The following SMUG1 variants were observed in gnomAD, a reference collection of about 807,000 sequenced individuals.
The protein encoded by SMUG1 is single-strand-selective monofunctional uracil-DNA glycosylase 1.
Under a neutral mutation model 23.9 loss-of-function variants are expected in SMUG1, and 13 were observed. That is an observed-to-expected ratio of 0.54 (90% CI 0.35 to 0.86). The LOEUF is 0.86. Among genes scored for constraint, SMUG1 ranks in the 40% least tolerant of loss-of-function variants. The pLI is 0.01. For missense variants in SMUG1, 313 were observed against 339.5 expected (o/e 0.92, Z 0.61); for synonymous variants, 133 against 139.8 (o/e 0.95, Z 0.34).
rs1205322366 is a variant in SMUG1, at chr12:54,159,415, C to T, written n.687+5959G>A. ...CTGGTCTGCAGCAGGAGAGTCAGGG[C>T]TGTCGGGGACAACCTGAGAATGACC... is the stretch of plus-strand genomic sequence containing the variant. On this transcript the variant is annotated intron_variant and non_coding_transcript_variant, in intron 4 of 5. Coordinates refer to the SMUG1 transcript ENST00000634429. 6.6e-5 allele frequency among the ~76,000 whole-genome samples: 10 copies of T among 152,110 alleles called. No homozygotes were observed. In the East Asian group the frequency reaches 1.5e-3, roughly 23 times the overall value.
chr12:54,182,678 GC>G, intron 3 of SMUG1, 55 bp from the exon 4 acceptor site: 1 of 1,548,710 alleles, frequency 6.5e-7, no homozygotes, highest in South Asian at 1.3e-5. Flanking sequence ...TGAGGCCCGG[GC>G]TCTGGACCAA....
chr12:54,179,699 G>A (rs1434871455), downstream of SMUG1, among the ~76,000 whole-genome samples: 1 of 151,926 alleles, frequency 6.6e-6, no homozygotes, highest in Non-Finnish European at 1.5e-5. Flanking sequence ...AGGATCCCCA[G>A]ACCACCTGCA....
intron 3 of SMUG1, among the ~76,000 whole-genome samples, chr12:54,166,597 G>GCTCCTGGCTT (rs1280325387): frequency 6.6e-6 from 1 of 152,166 alleles, no homozygotes; most frequent in Non-Finnish European, 1.5e-5. Flanking sequence ...TGTGAGGGCT[G>GCTCCTGGCTT]CTCCTGGCTT....
intron 3 of SMUG1, among the ~76,000 whole-genome samples, chr12:54,170,223 A>G: frequency 6.6e-6 from 1 of 152,126 alleles, no homozygotes; most frequent in Non-Finnish European, 1.5e-5. Flanking sequence ...AAAGACAAAA[A>G]GAGAAGCTCA....
chr12:54,170,217 A>G (rs1407089742), intron 3 of SMUG1, among the ~76,000 whole-genome samples: 4 of 149,890 alleles, frequency 2.7e-5, no homozygotes, highest in African/African-American at 9.9e-5. Context: ...AAAAAAAAAG[A>G]CAAAAAGAGA....
intron 2 of SMUG1, 190 bp from the exon 3 acceptor site, chr12:54,184,149 C>T (rs1460125420): frequency 4.3e-6 from 2 of 467,826 alleles, no homozygotes; most frequent in Non-Finnish European, 7.5e-6. Context: ...CCCTTTCCCT[C>T]CCCACTTCCA....
rs1385097607 is a variant in SMUG1 at position 54,180,822 on chromosome 12, T to G, written c.*1274A>C. ...GGCCAACATGGTGAAACACTGTCTT[T>G]AATAAAAATACAAAAATTAGCCAGG... On this transcript the variant is annotated 3_prime_UTR_variant, in exon 4 of 4. Transcript: ENST00000682136. 1 of 152,072 alleles carries G rather than the reference T, an allele frequency of 6.6e-6. No homozygotes were observed. Among genetic ancestry groups the G allele is most frequent in the Non-Finnish European group, 1.5e-5 (1 of 68,004 alleles). The allele number at this position is 152,072 out of a possible 1,614,324, so 9.4% of individuals were successfully genotyped here. A position where few individuals can be genotyped will look rare whatever the true frequency, so the allele number is the denominator to read the frequency against.
chr12:54,183,978 A>G lies in SMUG1; in HGVS notation c.-19-19T>C. ...CTGTCACCTGGGAAAAGAGATGGAC[A>G]GAAGCCCCATCAACCCTCAGCCACA... is the stretch of plus-strand genomic sequence containing the variant. On this transcript the variant is annotated intron_variant, in intron 2 of 3. Coordinates refer to ENST00000682136, the MANE Select transcript of SMUG1 (RefSeq NM_001243787.2). The G allele has an allele frequency of 6.8e-7, 1 of 1,470,908 alleles. No homozygotes were observed. The highest frequency in any genetic ancestry group is 9.0e-7 in the Non-Finnish European group (1 of 1,113,112). The allele number at this position is 1,470,908 out of a possible 1,614,324, so 91.1% of individuals were successfully genotyped here. A position where few individuals can be genotyped will look rare whatever the true frequency, so the allele number is the denominator to read the frequency against.
intron 2 of SMUG1, among the ~76,000 whole-genome samples, chr12:54,186,507 A>C (rs1380756219): frequency 6.6e-6 from 1 of 151,886 alleles, no homozygotes; most frequent in African/African-American, 2.4e-5. Flanking sequence ...ACACCCGGCT[A>C]ATTTTCGTAT....
At position 54,172,140 on chromosome 12, in the gene SMUG1, C is replaced by T. The variant is rs1419002520; in HGVS notation, c.399-31G>A. On this transcript the variant is annotated intron_variant and NMD_transcript_variant, in intron 2 of 4. Coordinates refer to the SMUG1 transcript ENST00000509864. Reference sequence around the variant, plus strand: ...AAAAGACAAGGCAGATCATGTCACTCCCTTGCTTGAAACCCTGCAGTGACT... The same window carrying T: ...AAAAGACAAGGCAGATCATGTCACTTCCTTGCTTGAAACCCTGCAGTGACT... 11 of 448,184 alleles carry T rather than the reference C, an allele frequency of 2.5e-5. 1 individual carries two copies. 27.8% of individuals were successfully genotyped at this position (448,184 alleles called of 1,614,324 possible). A position where few individuals can be genotyped will look rare whatever the true frequency, so the allele number is the denominator to read the frequency against.
At chr12:54,159,291 G>A (rs919980572) in intron 4 of SMUG1, among the ~76,000 whole-genome samples, 1 of 152,220 alleles carries the variant, frequency 6.6e-6, no homozygotes, top group African/African-American at 2.4e-5. Context: ...GAGCTGAGCA[G>A]CTGCATCCAT....
At chr12:54,174,379 CA>C (rs1940703410) in intron 2 of SMUG1, among the ~76,000 whole-genome samples, 1 of 152,154 alleles carries the variant, frequency 6.6e-6, no homozygotes, top group African/African-American at 2.4e-5. Flanking sequence ...AAAAACAACC[CA>C]AATTACAGCA....
At chr12:54,175,748 G>T (rs764493808), downstream of SMUG1, among the ~76,000 whole-genome samples, 1 of 152,172 alleles carries the variant, frequency 6.6e-6, no homozygotes, top group African/African-American at 2.4e-5. Flanking sequence ...TGAGGGTAAA[G>T]AATCATCTAA....
At chr12:54,173,684 G>A (rs1333012623) in intron 2 of SMUG1, among the ~76,000 whole-genome samples, 1 of 114,704 alleles carries the variant, frequency 8.7e-6, no homozygotes, top group African/African-American at 3.4e-5. Context: ...CGCCCCGCAC[G>A]CTCCGCACGC....
At chr12:54,176,516 A>ACCCCCC (rs544415134), downstream of SMUG1, among the ~76,000 whole-genome samples, 2 of 36,190 alleles carry the variant, frequency 5.5e-5, no homozygotes, top group Non-Finnish European at 6.0e-5. Context: ...GTCCCCCCCC[A>ACCCCCC]AAAAAAAAGG....
intron 2 of SMUG1, among the ~76,000 whole-genome samples, chr12:54,174,082 T>G (rs1430651784): frequency 6.6e-6 from 1 of 152,080 alleles, no homozygotes; most frequent in Non-Finnish European, 1.5e-5. Context: ...CTTAAAACGG[T>G]ACTTGCAAAG....
In SMUG1 at chr12:54,187,801, T is replaced by C. The variant is rs1346421529; in HGVS notation, c.-20+18A>G. The stretch of plus-strand genomic sequence containing the variant: ...CCTGTTAACTCATTTTTTTTTTCAA[T>C]ACTTATGAGTCTCTTACATGACAGG... On this transcript the variant is annotated intron_variant, in intron 2 of 3. Transcript: ENST00000682136. 2 of 151,390 alleles carry C rather than the reference T, an allele frequency of 1.3e-5. No homozygotes were observed. Among genetic ancestry groups the C allele is most frequent in the Non-Finnish European group, 2.9e-5 (2 of 67,878 alleles). The allele number at this position is 151,390 out of a possible 1,614,324, so 9.4% of individuals were successfully genotyped here.
chr12:54,178,976 C>T (rs906835387), downstream of SMUG1, among the ~76,000 whole-genome samples: 1 of 152,204 alleles, frequency 6.6e-6, no homozygotes, highest in African/African-American at 2.4e-5. Context: ...AAGAAGCTGA[C>T]TTGCTGAGTC....
At chr12:54,182,981 A>T in intron 3 of SMUG1, 1 of 235,086 alleles carries the variant, frequency 4.3e-6, no homozygotes. Context: ...TAAAGGAGGC[A>T]CAAGGATGGG....
Sources: gnomAD v4.1 joint callset for allele counts (sites outside exome capture counted in the v4.1 genomes callset) on GRCh38, gnomAD v4.1.1 for gene constraint, MANE v1.5 for transcripts, NCBI Gene and HGNC (gene_info 2026-07-23, HGNC 2026-07-21) for gene names.